The following TAF4B variants were observed in gnomAD, a reference collection of about 807,000 sequenced individuals.
TAF4B encodes transcription initiation factor TFIID subunit 4B.
A neutral mutation model predicts 86.4 loss-of-function variants in TAF4B; 38 were observed. The observed-to-expected ratio is 0.44, with a 90% CI of 0.34 to 0.58. TAF4B has a LOEUF of 0.58. Ranked by LOEUF, TAF4B falls within the 20% of genes least tolerant of loss-of-function variation. The pLI is 0.02. For missense variants in TAF4B, 988 were observed against 1,027.6 expected (o/e 0.96, Z 0.53); for synonymous variants, 388 against 391.2 (o/e 0.99, Z 0.10).
intron 1 of TAF4B, chr18:26,255,640 T>A (rs1185120155): frequency 1.1e-6 from 1 of 891,340 alleles, no homozygotes; most frequent in Non-Finnish European, 1.7e-6. Flanking sequence ...TGTTGCTTTG[T>A]GGTCTTCAAA....
chr18:26,275,151 T>G, intron 5 of TAF4B, 98 bp downstream of exon 5: 1 of 1,252,068 alleles, frequency 8.0e-7, no homozygotes, highest in South Asian at 2.0e-5. Context: ...ATTTAATTTA[T>G]TTATTTATTT....
Position 26,253,600 on chromosome 18 carries a change from C to T in TAF4B, c.344-11570C>T, listed in dbSNP as rs556157410. On this transcript the variant is annotated intron_variant, in intron 1 of 14. Coordinates refer to ENST00000269142, the MANE Select transcript of TAF4B (RefSeq NM_005640.3). ...ACTGACCTTATAGATTGAGTTGGGA[C>T]GTGTTCCCTGCTTTTTTATTTTTTG... Among the ~76,000 whole-genome samples the T allele has an allele frequency of 4.6e-5, 7 of 152,202 alleles. No homozygotes were observed. In the East Asian group the frequency reaches 1.2e-3, roughly 25 times the overall value.
At chr18:26,284,433 G>A (rs1003910223) in intron 6 of TAF4B, among the ~76,000 whole-genome samples, 1 of 152,146 alleles carries the variant, frequency 6.6e-6, no homozygotes, top group South Asian at 2.1e-4. Flanking sequence ...TTGCATTCAC[G>A]ACTTGGCTGT....
At chr18:26,383,033 A>G (rs924496308) in intron 14 of TAF4B, among the ~76,000 whole-genome samples, 6 of 152,192 alleles carry the variant, frequency 3.9e-5, no homozygotes, top group African/African-American at 1.4e-4. Context: ...TGCTATGTGC[A>G]ATTAATTGTC....
intron 9 of TAF4B, chr18:26,304,948 T>G (rs545379783): frequency 1.2e-6 from 1 of 837,446 alleles, no homozygotes; most frequent in African/African-American, 1.8e-5. Context: ...TCCAGACTTA[T>G]GTACATATGC....
At chr18:26,281,340 A>C (rs1456455862) in intron 5 of TAF4B, among the ~76,000 whole-genome samples, 1 of 152,098 alleles carries the variant, frequency 6.6e-6, no homozygotes, top group African/African-American at 2.4e-5. Context: ...TGAAGAAAAA[A>C]CCAGATGTTC....
At chr18:26,381,824 C>T (rs1380419266) in intron 14 of TAF4B, among the ~76,000 whole-genome samples, 1 of 152,038 alleles carries the variant, frequency 6.6e-6, no homozygotes, top group Non-Finnish European at 1.5e-5. Flanking sequence ...CTATTGTTGT[C>T]ACCTACTTTA....
chr18:26,285,216 T>TCC (rs1568127478), intron 6 of TAF4B, among the ~76,000 whole-genome samples: 1 of 100,282 alleles, frequency 1.0e-5, no homozygotes, highest in African/African-American at 4.3e-5. Flanking sequence ...TTTCCTTTTT[T>TCC]TTTTTGTTTT....
chr18:26,380,077 G>A (rs943305820), intron 14 of TAF4B, among the ~76,000 whole-genome samples: 2 of 152,080 alleles, frequency 1.3e-5, no homozygotes, highest in Non-Finnish European at 2.9e-5. Context: ...GATTTGCTAA[G>A]CAAATCATGC....
At chr18:26,361,527 C>T (rs2057330202) in intron 14 of TAF4B, among the ~76,000 whole-genome samples, 1 of 151,670 alleles carries the variant, frequency 6.6e-6, no homozygotes, top group Admixed American at 6.6e-5. Context: ...GGGCAGATTG[C>T]TTGAGGTCAG....
chr18:26,288,392 TGGGAGGCCGAGGCGGGC>T (rs1248671409), intron 7 of TAF4B, among the ~76,000 whole-genome samples: 1 of 152,138 alleles, frequency 6.6e-6, no homozygotes, highest in Non-Finnish European at 1.5e-5. Flanking sequence ...CTCAGCACTT[TGGGAGGCCGAGGCGGGC>T]GGATCACCTG....
At chr18:26,357,309 TGTC>T (rs2057295475) in intron 13 of TAF4B, among the ~76,000 whole-genome samples, 1 of 152,228 alleles carries the variant, frequency 6.6e-6, no homozygotes, top group Non-Finnish European at 1.5e-5. Flanking sequence ...GTACAAAAAC[TGTC>T]TTTATTTTAA....
chr18:26,375,937 C>G (rs891047428), intron 14 of TAF4B, among the ~76,000 whole-genome samples: 1 of 151,990 alleles, frequency 6.6e-6, no homozygotes, highest in African/African-American at 2.4e-5. Flanking sequence ...ATCCAGTTGT[C>G]CAGGCATCAT....
chr18:26,288,560 G>A (rs375770798), intron 7 of TAF4B, among the ~76,000 whole-genome samples: 3 of 152,092 alleles, frequency 2.0e-5, no homozygotes, highest in African/African-American at 4.8e-5. Context: ...GCTTGAACCC[G>A]GGAGGCAGAG....
At chr18:26,379,529 C>T (rs993263077) in intron 14 of TAF4B, among the ~76,000 whole-genome samples, 1 of 152,088 alleles carries the variant, frequency 6.6e-6, no homozygotes, top group Non-Finnish European at 1.5e-5. Context: ...TATCTATACA[C>T]ATACTCTATT....
intron 1 of TAF4B, among the ~76,000 whole-genome samples, chr18:26,256,614 A>G (rs1189158147): frequency 6.6e-6 from 1 of 151,866 alleles, no homozygotes; most frequent in Non-Finnish European, 1.5e-5. Context: ...GTGATTTGAG[A>G]TATTTCTTCC....
At chr18:26,367,503 T>C (rs1019782116) in intron 14 of TAF4B, among the ~76,000 whole-genome samples, 1 of 152,188 alleles carries the variant, frequency 6.6e-6, no homozygotes, top group Non-Finnish European at 1.5e-5. Context: ...ATCTTTTTGT[T>C]CTATCCAGGC....
In TAF4B at chr18:26,293,530, C is replaced by A. The variant is rs587777427; in HGVS notation, c.1831C>A (p.Arg611=). 1.0e-5 allele frequency: 16 copies of A among 1,538,876 alleles called. No homozygotes were observed. The highest frequency in any genetic ancestry group is 2.4e-5 in the Admixed American group (1 of 41,986). The stretch of plus-strand genomic sequence containing the variant: ...AAAAGAGAATGTAACATCATGCTTC[C>A]GGTAAGAAAATAAATAGTTAAATTT... The part of the protein sequence containing the change: ...RIKENVTSCF[R]DEDDINDVTS... The change falls in exon 9 of 15, where the codon CGA becomes AGA. Residue 611 remains arginine (R), a splice_region_variant and synonymous_variant. Transcript: ENST00000269142.
At chr18:26,256,464 C>T in intron 1 of TAF4B, 3 of 655,390 alleles carry the variant, frequency 4.6e-6, no homozygotes, top group Non-Finnish European at 8.1e-6. Flanking sequence ...ACTCCCTACT[C>T]CAGTTTTGTT....
Sources: allele counts gnomAD v4.1 joint callset (sites outside exome capture counted in the v4.1 genomes callset), GRCh38; gene constraint gnomAD v4.1.1; transcripts MANE v1.5; gene names NCBI Gene and HGNC (gene_info 2026-07-23, HGNC 2026-07-21).